Variants in DGKH observed in about 807,000 individuals in gnomAD.
DGKH encodes DAG kinase eta.
A neutral mutation model predicts 159.3 loss-of-function variants in DGKH; 90 were observed. The observed-to-expected ratio is 0.57, with a 90% CI of 0.48 to 0.67. DGKH has a LOEUF of 0.67. Among genes scored for constraint, DGKH ranks in the 30% least tolerant of loss-of-function variants. DGKH has a pLI of 0.00. For missense variants in DGKH, 1,181 were observed against 1,506.1 expected, an observed-to-expected ratio of 0.78 and a Z score of 3.57; for synonymous variants, 536 against 553.8, an observed-to-expected ratio of 0.97 and a Z score of 0.45.
intron 14 of DGKH, among the ~76,000 whole-genome samples, chr13:42,188,111 C>T (rs1453814707): frequency 6.6e-6 from 1 of 152,168 alleles, no homozygotes; most frequent in Non-Finnish European, 1.5e-5. Flanking sequence ...GCCTTTTTCT[C>T]TTGTCTTTCT....
intron 1 of DGKH, among the ~76,000 whole-genome samples, chr13:42,075,810 A>G (rs1211145375): frequency 6.6e-6 from 1 of 152,160 alleles, no homozygotes; most frequent in Non-Finnish European, 1.5e-5. Flanking sequence ...TCTACATTTT[A>G]CAAGCTCATT....
intron 1 of DGKH, among the ~76,000 whole-genome samples, chr13:42,088,754 A>T (rs1954357202): frequency 6.6e-6 from 1 of 152,206 alleles, no homozygotes; most frequent in African/African-American, 2.4e-5. Flanking sequence ...AAAATTGTAG[A>T]TTTAAACCTA....
At chr13:42,126,504 G>A (rs772444425) in intron 1 of DGKH, among the ~76,000 whole-genome samples, 7 of 152,144 alleles carry the variant, frequency 4.6e-5, no homozygotes, top group Non-Finnish European at 8.8e-5. Context: ...AGAGGGAAAC[G>A]CTAGATGAGG....
intron 1 of DGKH, among the ~76,000 whole-genome samples, chr13:42,110,530 T>G (rs939350648): frequency 1.3e-5 from 2 of 152,148 alleles, no homozygotes; most frequent in African/African-American, 4.8e-5. Context: ...GGGATTATTC[T>G]TGGATGTGAG....
In DGKH at chr13:42,221,851, T is replaced by A. The variant is rs1224184924; in HGVS notation, c.3573+457T>A. ...AGAGAGACTTACAGCAATGGCTACT[T>A]AGAATCTTACAATTTGTTGTATTTC... On this transcript the variant is annotated intron_variant, in intron 29 of 29. Coordinates refer to ENST00000337343, the MANE Select transcript of DGKH (RefSeq NM_178009.5). Among the ~76,000 whole-genome samples the A allele has an allele frequency of 4.6e-5, 7 of 152,242 alleles. 1 individual carries two copies. Among genetic ancestry groups the A allele is most frequent in the Non-Finnish European group, 1.5e-5 (1 of 68,048 alleles).
chr13:42,256,303 C>T (rs878918399), exon 31 of DGKH: 65 of 1,594,622 alleles, frequency 4.1e-5, no homozygotes, highest in African/African-American at 1.5e-4. Flanking sequence ...CAGAAAACTG[C>T]GTGGTGGGAA....
At chr13:42,059,639 T>G (rs1313182168) in intron 1 of DGKH, among the ~76,000 whole-genome samples, 3 of 152,182 alleles carry the variant, frequency 2.0e-5, no homozygotes, top group Non-Finnish European at 2.9e-5. Flanking sequence ...GGCTTTTAGG[T>G]GCTTCTATGG....
At position 42,208,944 on chromosome 13, in the gene DGKH, T is replaced by C. The variant is rs1408569144; in HGVS notation, c.2602-15T>C. On this transcript the variant is annotated splice_polypyrimidine_tract_variant and intron_variant, in intron 21 of 29. Transcript: ENST00000337343. ...CTAAACATTCAGTAGAAGTGTAATGTAGTTTTTCTTTCAGATATTTGCTGC... is the reference window on the plus strand; with the variant it reads ...CTAAACATTCAGTAGAAGTGTAATGCAGTTTTTCTTTCAGATATTTGCTGC... 2 of 1,594,910 alleles carry C rather than the reference T, an allele frequency of 1.3e-6. No homozygotes were observed. The highest frequency in any genetic ancestry group is 8.6e-7 in the Non-Finnish European group (1 of 1,168,108).
intron 30 of DGKH, among the ~76,000 whole-genome samples, chr13:42,252,818 G>C (rs1267653745): frequency 6.6e-6 from 1 of 151,672 alleles, no homozygotes; most frequent in Non-Finnish European, 1.5e-5. Flanking sequence ...TGCGATCTCA[G>C]CTCACTACAA....
At chr13:42,046,995 G>T (rs1470500353), upstream of DGKH, among the ~76,000 whole-genome samples, 1 of 152,144 alleles carries the variant, frequency 6.6e-6, no homozygotes, top group Non-Finnish European at 1.5e-5. Context: ...CCATTATTTT[G>T]ATTATTTTTC....
intron 13 of DGKH, chr13:42,181,656 C>A: frequency 2.9e-6 from 1 of 344,756 alleles, no homozygotes. Context: ...CCCAGCATTA[C>A]TTCCTCTGTT....
At chr13:42,125,242 A>G (rs1955147301) in intron 1 of DGKH, among the ~76,000 whole-genome samples, 1 of 152,202 alleles carries the variant, frequency 6.6e-6, no homozygotes, top group South Asian at 2.1e-4. Context: ...CAGTGGCTGC[A>G]AACACTTATT....
At chr13:42,080,485 G>C (rs1414850749) in intron 1 of DGKH, among the ~76,000 whole-genome samples, 2 of 152,068 alleles carry the variant, frequency 1.3e-5, no homozygotes, top group African/African-American at 2.4e-5. Context: ...TTTTTGAGTG[G>C]TCATTATGTT....
In DGKH at chr13:42,256,533, G is replaced by A. The variant is rs2138343493; in HGVS notation, n.4377G>A. 5.1e-6 allele frequency: 4 copies of A among 781,448 alleles called. 1 individual carries two copies. In the South Asian group the frequency reaches 5.7e-5, roughly 11 times the overall value. 48.4% of individuals were successfully genotyped at this position (781,448 alleles called of 1,614,324 possible). A position where few individuals can be genotyped will look rare whatever the true frequency, so the allele number is the denominator to read the frequency against. On this transcript the variant is annotated non_coding_transcript_exon_variant, in exon 31 of 31. Coordinates refer to the DGKH transcript ENST00000498255. ...ACTAAGGACATGCTGAGTCCAAAGT[G>A]ATTTAAGTAAATTTATAATGAAAAT...
At chr13:42,093,056 C>A (rs762196271) in intron 1 of DGKH, among the ~76,000 whole-genome samples, 1 of 151,970 alleles carries the variant, frequency 6.6e-6, no homozygotes, top group Non-Finnish European at 1.5e-5. Context: ...CCAGCCAGGG[C>A]AACATGGTGA....
chr13:42,062,921 C>G (rs1293860362), intron 1 of DGKH, among the ~76,000 whole-genome samples: 1 of 151,938 alleles, frequency 6.6e-6, no homozygotes, highest in Non-Finnish European at 1.5e-5. Flanking sequence ...GTAGTTGATA[C>G]AAGGGGATGG....
chr13:42,044,279 ACTT>A (rs1351082818), upstream of DGKH: 2 of 151,146 alleles, frequency 1.3e-5, no homozygotes, highest in Admixed American at 1.3e-4. Context: ...AGAGAACAGC[ACTT>A]CTTTCTTTTT....
intron 20 of DGKH, 91 bp downstream of exon 20, chr13:42,200,000 T>C: frequency 9.5e-7 from 1 of 1,052,672 alleles, no homozygotes; most frequent in Non-Finnish European, 1.3e-6. Context: ...GCGTTTTGAT[T>C]AGCAATTAAA....
At chr13:42,221,096 C>A in intron 28 of DGKH, 168 bp from the exon 29 acceptor site, 1 of 821,978 alleles carries the variant, frequency 1.2e-6, no homozygotes. Flanking sequence ...TAGTGTGTAA[C>A]TTGCATGGGA....
Sources: allele counts gnomAD v4.1 joint callset (sites outside exome capture counted in the v4.1 genomes callset), GRCh38; gene constraint gnomAD v4.1.1; transcripts MANE v1.5; gene names NCBI Gene and HGNC (gene_info 2026-07-23, HGNC 2026-07-21).